CPEB2: variants seen among roughly 807,000 people sequenced by gnomAD.
CPEB2 encodes cytoplasmic polyadenylation element binding protein 2.
A neutral mutation model predicts 93.6 loss-of-function variants in CPEB2; 56 were observed. The ratio of observed to expected loss-of-function variants is 0.60; its 90% CI spans 0.48 to 0.75. The LOEUF is 0.75. Ranked by LOEUF, CPEB2 falls within the 30% of genes least tolerant of loss-of-function variation. The pLI is 0.00. For missense variants in CPEB2, 1,579 were observed against 1,395.1 expected (o/e 1.13, Z -2.10); for synonymous variants, 764 against 586.3 (o/e 1.30, Z -4.38).
chr4:15,061,158 T>G (rs7678957), intron 10 of CPEB2, among the ~76,000 whole-genome samples: 2 of 152,112 alleles, frequency 1.3e-5, no homozygotes, highest in Non-Finnish European at 2.9e-5. Flanking sequence ...TGTACAAGTC[T>G]GGCATCCATG....
At chr4:15,010,901 T>C (rs1723383160) in intron 3 of CPEB2, among the ~76,000 whole-genome samples, 3 of 152,098 alleles carry the variant, frequency 2.0e-5, no homozygotes, top group Admixed American at 6.5e-5. Flanking sequence ...ATTCAATAAA[T>C]AAGAAAGAGC....
intron 10 of CPEB2, among the ~76,000 whole-genome samples, chr4:15,060,726 T>A (rs1311857652): frequency 6.6e-6 from 1 of 152,156 alleles, no homozygotes; most frequent in Non-Finnish European, 1.5e-5. Context: ...TATATTTTTT[T>A]ATGTATTTTT....
chr4:15,046,904 A>T (rs1727758112), intron 6 of CPEB2, among the ~76,000 whole-genome samples: 2 of 152,216 alleles, frequency 1.3e-5, no homozygotes, highest in Admixed American at 1.3e-4. Flanking sequence ...TTATGAAGAA[A>T]TTCTAGTTTC....
At chr4:15,064,534 G>A (rs1046915763) in intron 11 of CPEB2, among the ~76,000 whole-genome samples, 3 of 151,038 alleles carry the variant, frequency 2.0e-5, no homozygotes, top group African/African-American at 7.3e-5. Flanking sequence ...TGGAAGTGAA[G>A]TAAACATCAC....
intron 11 of CPEB2, among the ~76,000 whole-genome samples, 160 bp downstream of exon 11, chr4:15,062,420 A>G (rs760038823): frequency 2.4e-4 from 37 of 152,128 alleles, no homozygotes; most frequent in Non-Finnish European, 4.1e-4. Flanking sequence ...ATGGAAAATT[A>G]CTGAACACAC....
intron 1 of CPEB2, among the ~76,000 whole-genome samples, chr4:15,005,718 A>C (rs1278488419): frequency 6.6e-6 from 1 of 152,230 alleles, no homozygotes; most frequent in East Asian, 1.9e-4. Context: ...CAGTTTATCT[A>C]AGTTAACCAA....
chr4:15,049,251 A>G (rs923974077), intron 6 of CPEB2, among the ~76,000 whole-genome samples: 7 of 150,710 alleles, frequency 4.6e-5, no homozygotes, highest in African/African-American at 1.5e-4. Flanking sequence ...TTGTCACCGC[A>G]TTCTTTTTTT....
intron 4 of CPEB2, among the ~76,000 whole-genome samples, chr4:15,032,097 A>AT (rs988854099): frequency 3.3e-5 from 5 of 152,034 alleles, no homozygotes; most frequent in African/African-American, 4.8e-5. Context: ...AGTTAAAAAA[A>AT]TTTTTTTTCA....
chr4:15,043,258 A>G (rs1261015738), intron 6 of CPEB2, among the ~76,000 whole-genome samples: 1 of 152,224 alleles, frequency 6.6e-6, no homozygotes, highest in Admixed American at 6.5e-5. Flanking sequence ...AGCTCCAGAT[A>G]TTAATTTATG....
At chr4:15,032,757 T>C (rs188851933) in intron 4 of CPEB2, among the ~76,000 whole-genome samples, 41 of 152,252 alleles carry the variant, frequency 2.7e-4, no homozygotes, top group Non-Finnish European at 5.0e-4. Flanking sequence ...TATGAAATTC[T>C]CTCAAGTTTT....
intron 8 of CPEB2, among the ~76,000 whole-genome samples, chr4:15,056,428 T>C (rs148534154): frequency 6.6e-6 from 1 of 152,334 alleles, no homozygotes; most frequent in Non-Finnish European, 1.5e-5. Flanking sequence ...TGGAACATAT[T>C]TAATGAAACA....
intron 3 of CPEB2, among the ~76,000 whole-genome samples, chr4:15,013,998 T>G (rs1370763302): frequency 6.6e-6 from 1 of 152,050 alleles, no homozygotes; most frequent in Non-Finnish European, 1.5e-5. Flanking sequence ...CAAAATTGAT[T>G]ATATAGTGGT....
At chr4:15,030,510 T>C (rs554145873) in intron 4 of CPEB2, among the ~76,000 whole-genome samples, 1 of 152,216 alleles carries the variant, frequency 6.6e-6, no homozygotes, top group African/African-American at 2.4e-5. Flanking sequence ...TGGCTCAGAG[T>C]ATAGCCTCAA....
intron 4 of CPEB2, chr4:15,017,786 G>A (rs1724340549): frequency 6.6e-6 from 1 of 151,870 alleles, no homozygotes; most frequent in South Asian, 2.1e-4. Context: ...TTAGGGAAAA[G>A]AACCGGCCCA....
At chr4:15,029,392 A>G (rs1278823593) in intron 4 of CPEB2, among the ~76,000 whole-genome samples, 1 of 152,138 alleles carries the variant, frequency 6.6e-6, no homozygotes, top group Non-Finnish European at 1.5e-5. Flanking sequence ...TTTTTAAGAT[A>G]CGATAGATCC....
intron 5 of CPEB2, 51 bp downstream of exon 5, chr4:15,033,262 A>T (rs1390271729): frequency 3.5e-6 from 4 of 1,138,690 alleles, no homozygotes; most frequent in Non-Finnish European, 5.3e-6. Flanking sequence ...TGTAAAGATG[A>T]TTTAATACAT....
At chr4:15,011,101 CTTTTT>C (rs201436379) in intron 3 of CPEB2, among the ~76,000 whole-genome samples, 5 of 125,764 alleles carry the variant, frequency 4.0e-5, no homozygotes, top group African/African-American at 1.2e-4. Context: ...AATTTCTTTT[CTTTTT>C]TTTTTTTTTT....
intron 10 of CPEB2, among the ~76,000 whole-genome samples, chr4:15,059,938 T>C (rs913383748): frequency 2.0e-5 from 3 of 152,132 alleles, no homozygotes; most frequent in Non-Finnish European, 2.9e-5. Flanking sequence ...GAAATACTTA[T>C]AGAATATGAT....
At chr4:15,058,565 G>C (rs1442859905) in intron 9 of CPEB2, 26 bp downstream of exon 9, 3 of 1,277,844 alleles carry the variant, frequency 2.3e-6, no homozygotes, top group East Asian at 4.7e-5. Context: ...ATGAACTTCA[G>C]GCTACAAATG....
Sources: gnomAD v4.1 joint callset for allele counts (sites outside exome capture counted in the v4.1 genomes callset) on GRCh38, gnomAD v4.1.1 for gene constraint, MANE v1.5 for transcripts, NCBI Gene and HGNC (gene_info 2026-07-23, HGNC 2026-07-21) for gene names.